Variants in TVP23C observed in about 807,000 individuals in gnomAD.
The protein encoded by TVP23C is trans-golgi network vesicle protein 23 homolog C.
A neutral mutation model predicts 28.7 loss-of-function variants in TVP23C; 19 were observed. The observed-to-expected ratio is 0.66, with a 90% CI of 0.46 to 0.97. TVP23C has a LOEUF of 0.97. Among genes scored for constraint, TVP23C ranks in the 50% least tolerant of loss-of-function variants. TVP23C has a pLI of 0.00. For missense variants in TVP23C, 186 were observed against 241.3 expected (o/e 0.77, Z 1.52); for synonymous variants, 68 against 81.7 (o/e 0.83, Z 0.90).
At chr17:15,519,818 C>G (rs1473687486) in intron 5 of TVP23C, among the ~76,000 whole-genome samples, 2 of 152,182 alleles carry the variant, frequency 1.3e-5, no homozygotes, top group Non-Finnish European at 2.9e-5. Flanking sequence ...AGGAGAATGG[C>G]ATGAACCCGG....
chr17:15,511,775 G>A (rs2150829567), intron 5 of TVP23C, among the ~76,000 whole-genome samples: 1 of 152,108 alleles, frequency 6.6e-6, no homozygotes, highest in South Asian at 2.1e-4. Context: ...TCGTGACTCT[G>A]GAAAAATACT....
At chr17:15,555,210 C>G in intron 2 of TVP23C, 72 bp downstream of exon 2, 1 of 1,597,144 alleles carries the variant, frequency 6.3e-7, no homozygotes, top group Non-Finnish European at 8.6e-7. Flanking sequence ...CCTTGACTCC[C>G]ATCAGCTAGC....
At position 15,559,313 on chromosome 17, in the gene TVP23C, TAAAAAAAAAAA is replaced by T. The variant is rs56346847; in HGVS notation, c.13-3960_13-3950del. Among the ~76,000 whole-genome samples, 2 of 105,164 alleles carry T rather than the reference TAAAAAAAAAAA, an allele frequency of 1.9e-5. 1 individual carries two copies. Among genetic ancestry groups the T allele is most frequent in the African/African-American group, 6.7e-5 (2 of 29,856 alleles). The allele number at this position is 105,164 out of a possible 152,430, so 69.0% of individuals were successfully genotyped here. A position where few individuals can be genotyped will look rare whatever the true frequency, so the allele number is the denominator to read the frequency against. On this transcript the variant is annotated intron_variant, in intron 1 of 5. Transcript: ENST00000518321. Reference sequence around the variant, plus strand: ...GGTACTGCTGTAAGTGGTACAGATTTAAAAAAAAAAAAAAAAAAAAAAAGACAAATAGCTCT... The same window carrying T: ...GGTACTGCTGTAAGTGGTACAGATTTAAAAAAAAAAAAGACAAATAGCTCT...
intron 1 of TVP23C, among the ~76,000 whole-genome samples, chr17:15,557,136 C>T (rs1305920034): frequency 2.7e-5 from 4 of 149,516 alleles, no homozygotes; most frequent in South Asian, 2.2e-4. Flanking sequence ...AGCTCAAATA[C>T]TGAAATAGCT....
chr17:15,551,675 T>C (rs55753180), intron 3 of TVP23C, among the ~76,000 whole-genome samples: 11 of 122,724 alleles, frequency 9.0e-5, no homozygotes, highest in African/African-American at 3.0e-4. Context: ...GAGATTTTTT[T>C]GTGTGCGATT....
intron 5 of TVP23C, among the ~76,000 whole-genome samples, chr17:15,542,364 A>G (rs112525559): frequency 0.021 from 3,265 of 152,330 alleles, 118 homozygotes; most frequent in African/African-American, 0.072. Flanking sequence ...ATCATGAGAG[A>G]TGATCATCTT....
At chr17:15,522,080 G>C (rs1265262351) in intron 5 of TVP23C, among the ~76,000 whole-genome samples, 5 of 152,202 alleles carry the variant, frequency 3.3e-5, no homozygotes. Context: ...TGCTCAAAAT[G>C]AATCATGGCA....
chr17:15,555,692 C>A (rs1463147908), intron 1 of TVP23C, among the ~76,000 whole-genome samples: 1 of 152,084 alleles, frequency 6.6e-6, no homozygotes, highest in Non-Finnish European at 1.5e-5. Context: ...ACAGAGCAAG[C>A]CGAGGCTACT....
chr17:15,545,467 T>A (rs1390607905), intron 5 of TVP23C, among the ~76,000 whole-genome samples: 1 of 152,298 alleles, frequency 6.6e-6, no homozygotes, highest in African/African-American at 2.4e-5. Flanking sequence ...TGTGAGATAA[T>A]GGCTGTTGTT....
chr17:15,502,628 C>T, exon 6 of TVP23C: 2 of 611,974 alleles, frequency 3.3e-6, no homozygotes, highest in Non-Finnish European at 4.9e-6. Flanking sequence ...GCCAGGAAAG[C>T]GGACGCTTGC....
At chr17:15,530,251 T>C (rs1308732260) in intron 5 of TVP23C, among the ~76,000 whole-genome samples, 3 of 152,234 alleles carry the variant, frequency 2.0e-5, no homozygotes, top group Non-Finnish European at 4.4e-5. Flanking sequence ...TTGTATTAAA[T>C]AGGTATTTTC....
intron 2 of TVP23C, among the ~76,000 whole-genome samples, chr17:15,554,923 G>T (rs1355110600): frequency 1.3e-5 from 2 of 152,198 alleles, no homozygotes; most frequent in African/African-American, 2.4e-5. Flanking sequence ...TATTTAGAGA[G>T]AATTAAATTT....
chr17:15,540,163 A>G lies in TVP23C; in HGVS notation c.*249T>C. Reference sequence around the variant, plus strand: ...TCACTTAAAGCTCCCATAATTGATGAAAAACAACTGAACTTAAAAGTAATT... The same window carrying G: ...TCACTTAAAGCTCCCATAATTGATGGAAAACAACTGAACTTAAAAGTAATT... On this transcript the variant is annotated 3_prime_UTR_variant, in exon 6 of 6. Coordinates refer to ENST00000518321, the MANE Select transcript of TVP23C (RefSeq NM_001135036.2). The G allele has an allele frequency of 7.9e-7, 1 of 1,267,170 alleles. No individual in the cohort carries two copies. The highest frequency in any genetic ancestry group is 3.7e-5 in the East Asian group (1 of 27,252). 78.5% of individuals were successfully genotyped at this position (1,267,170 alleles called of 1,614,324 possible).
chr17:15,555,305 A>C lies in TVP23C; in HGVS notation c.72T>G (p.Asn24Lys), dbSNP rs143645048. 67 of 1,613,850 alleles carry C rather than the reference A, an allele frequency of 4.2e-5. No homozygotes were observed. In the Middle Eastern group the frequency reaches 6.6e-4, roughly 16 times the overall value. The change falls in exon 2 of 6, where the codon AAT becomes AAG. Residue 24 changes from asparagine to lysine, a missense_variant. Transcript: ENST00000518321. ...ACCTGATTTTGGCTTTTCTTGGTCTATTAGTCGTCTCCTCTTCCGCATCAA... is the reference window on the plus strand; with the variant it reads ...ACCTGATTTTGGCTTTTCTTGGTCTCTTAGTCGTCTCCTCTTCCGCATCAA... ...SLFDAEEETT[N>K]RPRKAKIRHP... is the part of the protein sequence containing the mutation.
intron 5 of TVP23C, among the ~76,000 whole-genome samples, chr17:15,542,039 T>C (rs551573292): frequency 1.8e-3 from 276 of 152,266 alleles, no homozygotes; most frequent in African/African-American, 6.3e-3. Flanking sequence ...CAAACAGCGT[T>C]TTTAAAAACA....
Position 15,510,743 on chromosome 17 carries a change from T to C in TVP23C, c.463-7511A>G, listed in dbSNP as rs375857506. ...TCTTAAACAAACAGAAAAGCAGTTA[T>C]CACTGGCCCTTTTTATTTTTAAAAA... On this transcript the variant is annotated intron_variant, in intron 5 of 5. Coordinates refer to the TVP23C transcript ENST00000225576. Among the ~76,000 whole-genome samples, 7 of 152,314 alleles carry C rather than the reference T, an allele frequency of 4.6e-5. No homozygotes were observed. In the East Asian group the frequency reaches 5.8e-4, roughly 13 times the overall value.
intron 3 of TVP23C, among the ~76,000 whole-genome samples, chr17:15,552,142 C>T (rs1983920505): frequency 6.6e-6 from 1 of 152,166 alleles, no homozygotes; most frequent in African/African-American, 2.4e-5. Flanking sequence ...GACTGGAAAG[C>T]ATGTTCTATT....
intron 5 of TVP23C, among the ~76,000 whole-genome samples, chr17:15,505,876 C>A (rs1357554317): frequency 6.6e-6 from 1 of 152,216 alleles, no homozygotes; most frequent in Non-Finnish European, 1.5e-5. Flanking sequence ...GCAGTGCCAG[C>A]CCACCGGCGC....
At chr17:15,534,835 G>C (rs1356920165), downstream of TVP23C, among the ~76,000 whole-genome samples, 6 of 151,766 alleles carry the variant, frequency 4.0e-5, no homozygotes, top group Non-Finnish European at 7.4e-5. Context: ...GGGCGTGGTG[G>C]TGGGCACCTG....
Sources: allele counts gnomAD v4.1 joint callset (sites outside exome capture counted in the v4.1 genomes callset), GRCh38; gene constraint gnomAD v4.1.1; transcripts MANE v1.5; gene names NCBI Gene and HGNC (gene_info 2026-07-23, HGNC 2026-07-21).